NLGN1: variants seen among roughly 807,000 people sequenced by gnomAD.
The protein encoded by NLGN1 is neuroligin-1.
Under a neutral mutation model 65.5 loss-of-function variants are expected in NLGN1, and 12 were observed. The observed-to-expected ratio is 0.18, with a 90% CI of 0.12 to 0.30. The LOEUF is 0.30. Among genes scored for constraint, NLGN1 ranks in the 10% least tolerant of loss-of-function variants. NLGN1 has a pLI of 1.00. For synonymous variants in NLGN1, 350 were observed against 359.5 expected (o/e 0.97, Z 0.30); for missense variants, 750 against 1,007.1 (o/e 0.74, Z 3.46).
At chr3:173,952,153 C>T (rs578059995) in intron 4 of NLGN1, among the ~76,000 whole-genome samples, 13 of 152,176 alleles carry the variant, frequency 8.5e-5, no homozygotes, top group Non-Finnish European at 1.5e-4. Context: ...AGCAAACTTC[C>T]TGCAGGTCTG....
At chr3:173,659,631 T>C (rs975006386) in intron 3 of NLGN1, among the ~76,000 whole-genome samples, 7 of 151,992 alleles carry the variant, frequency 4.6e-5, no homozygotes, top group African/African-American at 1.2e-4. Context: ...ATTATATATA[T>C]ATGTATATTA....
chr3:174,146,570 CTT>C (rs879300938), intron 4 of NLGN1, among the ~76,000 whole-genome samples: 25 of 140,630 alleles, frequency 1.8e-4, no homozygotes, highest in Admixed American at 3.6e-4. Context: ...TGACATGAAT[CTT>C]TTTTTTTTTT....
rs78522278 is a variant in NLGN1, at chr3:173,836,847, G to A, written c.646+29015G>A. Among the ~76,000 whole-genome samples the A allele has an allele frequency of 2.7e-3, 408 of 152,184 alleles. 2 individuals carry two copies. Among genetic ancestry groups the A allele is most frequent in the African/African-American group, 9.4e-3 (389 of 41,528 alleles). On this transcript the variant is annotated intron_variant, in intron 4 of 6. Transcript: ENST00000457714. ...TTCACGTAACTTCAAATTAAAATGA[G>A]CATTTCTTGTTTGGATTTTTCTAAG... is the stretch of plus-strand genomic sequence containing the variant.
At chr3:173,765,571 G>A (rs1778661682) in intron 3 of NLGN1, among the ~76,000 whole-genome samples, 1 of 152,166 alleles carries the variant, frequency 6.6e-6, no homozygotes, top group Non-Finnish European at 1.5e-5. Context: ...GCCTTGGGAG[G>A]TATGGCATCT....
At chr3:174,261,645 A>T (rs1323989427) in intron 4 of NLGN1, among the ~76,000 whole-genome samples, 1 of 132,986 alleles carries the variant, frequency 7.5e-6, no homozygotes, top group East Asian at 3.2e-4. Flanking sequence ...GGACAATTTG[A>T]CTTCCTCTTT....
At chr3:173,549,095 G>T (rs1740407753) in intron 2 of NLGN1, among the ~76,000 whole-genome samples, 1 of 151,732 alleles carries the variant, frequency 6.6e-6, no homozygotes, top group African/African-American at 2.4e-5. Flanking sequence ...TTTACGCATT[G>T]GTTTTTTAAA....
intron 4 of NLGN1, among the ~76,000 whole-genome samples, chr3:173,875,525 T>C (rs1185898369): frequency 6.6e-6 from 1 of 152,186 alleles, no homozygotes; most frequent in East Asian, 1.9e-4. Context: ...AAGGCAATAA[T>C]ACATTTAAAA....
intron 4 of NLGN1, among the ~76,000 whole-genome samples, chr3:173,930,269 G>A (rs931286448): frequency 1.3e-5 from 2 of 152,182 alleles, no homozygotes; most frequent in Admixed American, 1.3e-4. Context: ...TCTAATTATT[G>A]TTATTTATTA....
chr3:173,528,966 T>C, intron 2 of NLGN1, among the ~76,000 whole-genome samples: 1 of 152,208 alleles, frequency 6.6e-6, no homozygotes, highest in Admixed American at 6.5e-5. Context: ...GGTCCATTGC[T>C]AGAGAGCTAG....
rs71162356 is a variant in NLGN1, at chr3:173,734,381, ATTTT to A, written c.494-73270_494-73267del. Among the ~76,000 whole-genome samples the A allele has an allele frequency of 6.4e-3, 257 of 40,082 alleles. 1 individual carries two copies. Among genetic ancestry groups the A allele is most frequent in the African/African-American group, 0.027 (243 of 9,134 alleles). The allele number at this position is 40,082 out of a possible 152,430, so 26.3% of individuals were successfully genotyped here. A position where few individuals can be genotyped will look rare whatever the true frequency, so the allele number is the denominator to read the frequency against. ...ATAATTAGATTCTGTGGATAATTCTATTTTTTTTTTTTTTTTTTTTTTTTTTTTT... is the reference window on the plus strand; with the variant it reads ...ATAATTAGATTCTGTGGATAATTCTATTTTTTTTTTTTTTTTTTTTTTTTT... On this transcript the variant is annotated intron_variant, in intron 3 of 6. Coordinates refer to ENST00000457714, the Ensembl canonical transcript of NLGN1.
At chr3:173,515,698 A>G (rs1733706982) in intron 2 of NLGN1, among the ~76,000 whole-genome samples, 1 of 152,086 alleles carries the variant, frequency 6.6e-6, no homozygotes, top group African/African-American at 2.4e-5. Flanking sequence ...TTTCATGTGA[A>G]TATTCAATTT....
chr3:173,836,356 A>G (rs1723630869), intron 4 of NLGN1, among the ~76,000 whole-genome samples: 1 of 152,156 alleles, frequency 6.6e-6, no homozygotes, highest in Non-Finnish European at 1.5e-5. Context: ...GGTTAGCACC[A>G]TATTATCACA....
At chr3:173,522,085 T>G (rs1734851486) in intron 2 of NLGN1, among the ~76,000 whole-genome samples, 1 of 152,212 alleles carries the variant, frequency 6.6e-6, no homozygotes, top group African/African-American at 2.4e-5. Flanking sequence ...AATTTTCAAC[T>G]CTCTGCACAC....
intron 2 of NLGN1, among the ~76,000 whole-genome samples, chr3:173,546,915 A>G (rs948393954): frequency 6.6e-6 from 1 of 152,354 alleles, no homozygotes; most frequent in African/African-American, 2.4e-5. Context: ...AGAAAGTAAT[A>G]TGTGCATATG....
chr3:174,003,993 A>G (rs1305931434), intron 4 of NLGN1, among the ~76,000 whole-genome samples: 2 of 152,156 alleles, frequency 1.3e-5, no homozygotes, highest in African/African-American at 4.8e-5. Flanking sequence ...AATAAACTTT[A>G]TAAGTGAGTT....
At chr3:173,508,128 A>G (rs1732333641) in intron 2 of NLGN1, among the ~76,000 whole-genome samples, 1 of 152,178 alleles carries the variant, frequency 6.6e-6, no homozygotes, top group Non-Finnish European at 1.5e-5. Flanking sequence ...AGAGGCTAAC[A>G]TATCACTGCT....
intron 3 of NLGN1, chr3:173,685,584 G>T: frequency 1.1e-6 from 1 of 915,806 alleles, no homozygotes; most frequent in Non-Finnish European, 1.3e-6. Context: ...AGGAAAAGAG[G>T]TTATTAAAGT....
intron 4 of NLGN1, among the ~76,000 whole-genome samples, chr3:174,255,801 A>G (rs1745643435): frequency 1.3e-5 from 2 of 151,736 alleles, no homozygotes; most frequent in South Asian, 4.2e-4. Context: ...TGGAACTACA[A>G]TCATGTACCG....
intron 2 of NLGN1, among the ~76,000 whole-genome samples, chr3:173,449,510 G>A (rs1721067981): frequency 6.6e-6 from 1 of 152,134 alleles, no homozygotes; most frequent in African/African-American, 2.4e-5. Flanking sequence ...TAATAGGTGT[G>A]GTGTGGTGCT....
Sources: gnomAD v4.1 joint callset for allele counts (sites outside exome capture counted in the v4.1 genomes callset) on GRCh38, gnomAD v4.1.1 for gene constraint, MANE v1.5 for transcripts, NCBI Gene and HGNC (gene_info 2026-07-23, HGNC 2026-07-21) for gene names.